The following CELF2 variants were observed in gnomAD, a reference collection of about 807,000 sequenced individuals.
The protein encoded by CELF2 is CUG triplet repeat RNA-binding protein 2.
CELF2 carries 8 observed loss-of-function variants against 62.6 expected under a neutral mutation model. That is an observed-to-expected ratio of 0.13 (90% CI 0.07 to 0.23). CELF2 has a LOEUF of 0.23. Ranked by LOEUF, CELF2 falls within the 10% of genes least tolerant of loss-of-function variation. CELF2 has a pLI of 1.00. For synonymous variants in CELF2, 258 were observed against 250.0 expected (o/e 1.03, Z -0.30); for missense variants, 333 against 671.0 (o/e 0.50, Z 5.56).
intron 4 of CELF2, among the ~76,000 whole-genome samples, chr10:11,250,340 A>G (rs2076775827): frequency 6.6e-6 from 1 of 152,208 alleles, no homozygotes; most frequent in South Asian, 2.1e-4. Context: ...TATATAAATA[A>G]AGAAAATAAA....
At chr10:10,964,773 A>T (rs1395995993) in intron 2 of CELF2, among the ~76,000 whole-genome samples, 1 of 150,416 alleles carries the variant, frequency 6.6e-6, no homozygotes, top group Non-Finnish European at 1.5e-5. Context: ...GAAGCAGCGC[A>T]GCTCTTTAAA....
chr10:10,713,145 T>G, the CELF2 span, among the ~76,000 whole-genome samples: 1 of 152,222 alleles, frequency 6.6e-6, no homozygotes, highest in Non-Finnish European at 1.5e-5. Context: ...TCCTAAATCC[T>G]TCCCCTATCC....
At chr10:10,841,970 A>G (rs904257955) in intron 1 of CELF2, among the ~76,000 whole-genome samples, 2 of 152,024 alleles carry the variant, frequency 1.3e-5, no homozygotes, top group South Asian at 4.1e-4. Context: ...TTCTCTCATC[A>G]GTGTTATGAA....
chr10:10,682,491 T>G, the CELF2 span, among the ~76,000 whole-genome samples: 1 of 152,244 alleles, frequency 6.6e-6, no homozygotes, highest in Non-Finnish European at 1.5e-5. Context: ...ATCCGGCCCA[T>G]CAGGTAAGAG....
rs1205774034 is a variant in CELF2, at chr10:10,957,141, C to T, written c.89+37142C>T. On this transcript the variant is annotated intron_variant, in intron 2 of 13. Coordinates refer to the CELF2 transcript ENST00000636488. This position sits in a 1 kb window ranked among gnomAD's most constrained non-coding sequence, Gnocchi z 4.1. ...GGCAGCCACCTTCTCCTCTAATCCT[C>T]TCTTTGCTGTGCCTCTCTGGAGTTC... Among the ~76,000 whole-genome samples the T allele has an allele frequency of 6.6e-6, 1 of 152,180 alleles. No homozygotes were observed. Among genetic ancestry groups the T allele is most frequent in the Non-Finnish European group, 1.5e-5 (1 of 68,036 alleles).
chr10:11,130,670 G>A (rs1229765967), intron 1 of CELF2, among the ~76,000 whole-genome samples: 2 of 152,184 alleles, frequency 1.3e-5, no homozygotes, highest in African/African-American at 2.4e-5. Context: ...AGTTAGTAAT[G>A]TTGTGGGGAA....
chr10:10,714,641 C>T, the CELF2 span, among the ~76,000 whole-genome samples: 1 of 152,130 alleles, frequency 6.6e-6, no homozygotes, highest in African/African-American at 2.4e-5. Context: ...TTACAATCAT[C>T]TCAGGGCTAA....
At chr10:11,112,957 C>G (rs2055589401) in intron 1 of CELF2, among the ~76,000 whole-genome samples, 4 of 152,106 alleles carry the variant, frequency 2.6e-5, no homozygotes, top group Non-Finnish European at 5.9e-5. Context: ...CAGTGCATTT[C>G]CACATGCGTA....
At chr10:10,507,022 T>A in the CELF2 span, among the ~76,000 whole-genome samples, 1 of 152,086 alleles carries the variant, frequency 6.6e-6, no homozygotes, top group East Asian at 1.9e-4. Flanking sequence ...AAGGATGTGC[T>A]TTGTAGACCA....
intron 1 of CELF2, among the ~76,000 whole-genome samples, chr10:10,901,334 C>T (rs976367738): frequency 6.6e-6 from 1 of 152,058 alleles, no homozygotes; most frequent in African/African-American, 2.4e-5. Context: ...ATCAAGGCAA[C>T]AGAATAGAAA....
At chr10:10,963,497 A>G (rs111800376) in intron 2 of CELF2, among the ~76,000 whole-genome samples, 1 of 152,318 alleles carries the variant, frequency 6.6e-6, no homozygotes, top group African/African-American at 2.4e-5. Flanking sequence ...ATTTGTCAGA[A>G]GTGCATGTAC....
At chr10:10,675,716 T>C in the CELF2 span, among the ~76,000 whole-genome samples, 2 of 151,854 alleles carry the variant, frequency 1.3e-5, no homozygotes, top group African/African-American at 4.9e-5. Flanking sequence ...AACTCAGAGA[T>C]GTTTCCTCAG....
chr10:11,112,828 C>T (rs1366829197), intron 1 of CELF2, among the ~76,000 whole-genome samples: 1 of 152,202 alleles, frequency 6.6e-6, no homozygotes, highest in Non-Finnish European at 1.5e-5. Context: ...AGTGCATTTC[C>T]ACATGCGTAG....
intron 1 of CELF2, among the ~76,000 whole-genome samples, chr10:11,134,490 CTG>C (rs1297828775): frequency 6.6e-6 from 1 of 152,208 alleles, no homozygotes; most frequent in Non-Finnish European, 1.5e-5. Flanking sequence ...TGGACATGGA[CTG>C]TGTTCTCCCT....
chr10:11,127,396 T>C (rs2058888308), intron 1 of CELF2, among the ~76,000 whole-genome samples: 1 of 152,248 alleles, frequency 6.6e-6, no homozygotes, highest in Non-Finnish European at 1.5e-5. Context: ...TATAATCCTT[T>C]GGGTTTATAC....
chr10:10,927,346 T>TAAAAAAAAAAAAAAAAAAAAAAA (rs34283995), intron 2 of CELF2: 3 of 85,864 alleles, frequency 3.5e-5, no homozygotes, highest in Admixed American at 1.5e-4. Context: ...CTAGTGACAT[T>TAAAAAAAAAAAAAAAAAAAAAAA]AAAAAAAAAA....
At position 11,036,291 on chromosome 10, in the gene CELF2, G is replaced by A. The variant is rs144573348; in HGVS notation, c.74+18128G>A. The stretch of plus-strand genomic sequence containing the variant: ...TCTGTGTTTCCTTTTGTATTTGTAC[G>A]ATGTAACTTTGTTTAGAGGCTATAG... On this transcript the variant is annotated intron_variant, in intron 1 of 12. Coordinates refer to ENST00000633077, the MANE Select transcript of CELF2 (RefSeq NM_001326342.2). Among the ~76,000 whole-genome samples, 135 of 152,226 alleles carry A rather than the reference G, an allele frequency of 8.9e-4. 2 individuals carry two copies. Among genetic ancestry groups the A allele is most frequent in the East Asian group, 1.7e-3 (9 of 5,188 alleles).
rs2066913824 is a variant in CELF2 at position 11,165,783 on chromosome 10, A to C, written c.271+101A>C. Reference sequence around the variant, plus strand: ...CCTGCAGGAGGAAGGGCGGGTAGGCAGGAGGGCTGGAAGCAGCCGGTGCTG... The same window carrying C: ...CCTGCAGGAGGAAGGGCGGGTAGGCCGGAGGGCTGGAAGCAGCCGGTGCTG... On this transcript the variant is annotated intron_variant, in intron 2 of 12. Transcript: ENST00000633077. This position sits in a 1 kb window ranked among gnomAD's most constrained non-coding sequence, Gnocchi z 7.4. 5 of 1,161,770 alleles carry C rather than the reference A, an allele frequency of 4.3e-6. No individual in the cohort carries two copies. Among genetic ancestry groups the C allele is most frequent in the Non-Finnish European group, 5.9e-6 (5 of 840,570 alleles). 72.0% of individuals were successfully genotyped at this position (1,161,770 alleles called of 1,614,324 possible). A position where few individuals can be genotyped will look rare whatever the true frequency, so the allele number is the denominator to read the frequency against.
the CELF2 span, among the ~76,000 whole-genome samples, chr10:10,760,061 C>T: frequency 1.3e-5 from 2 of 152,058 alleles, no homozygotes; most frequent in Admixed American, 6.5e-5. Context: ...TGTGCCATCA[C>T]GCCTGGCTAA....
Sources: allele counts gnomAD v4.1 joint callset (sites outside exome capture counted in the v4.1 genomes callset), GRCh38; gene constraint gnomAD v4.1.1; non-coding constraint Gnocchi (gnomAD v3.1); transcripts MANE v1.5; gene names NCBI Gene and HGNC (gene_info 2026-07-23, HGNC 2026-07-21).